CSNK1G1: variants seen among roughly 807,000 people sequenced by gnomAD.
CSNK1G1 encodes the protein casein kinase I isoform gamma-1.
A neutral mutation model predicts 59.6 loss-of-function variants in CSNK1G1; 22 were observed. That is an observed-to-expected ratio of 0.37 (90% CI 0.26 to 0.53). The LOEUF (loss-of-function observed/expected upper bound fraction) is 0.53, where lower values mean the gene tolerates loss of function less well. Among genes scored for constraint, CSNK1G1 ranks in the 20% least tolerant of loss-of-function variants. The probability of loss-of-function intolerance (pLI) is 0.89; values close to 1 mark genes in which losing one functional copy is unlikely to be tolerated. For synonymous variants in CSNK1G1, 179 were observed against 177.1 expected, an observed-to-expected ratio of 1.01 and a Z score of -0.08; for missense variants, 384 against 519.5, an observed-to-expected ratio of 0.74 and a Z score of 2.54.
intron 10 of CSNK1G1, among the ~76,000 whole-genome samples, chr15:64,190,280 T>C (rs2081953451): frequency 6.6e-6 from 1 of 152,228 alleles, no homozygotes; most frequent in African/African-American, 2.4e-5. Context: ...AGGGGTTTGA[T>C]TTTATGCTGC....
At chr15:64,348,472 T>C (rs1186254165) in intron 1 of CSNK1G1, 1 of 151,998 alleles carries the variant, frequency 6.6e-6, no homozygotes, top group Non-Finnish European at 1.5e-5. Flanking sequence ...TCTAAAAGTA[T>C]TCAAAAAAAA....
intron 4 of CSNK1G1, among the ~76,000 whole-genome samples, chr15:64,218,022 G>A (rs972762521): frequency 6.6e-6 from 1 of 151,360 alleles, no homozygotes; most frequent in Admixed American, 6.6e-5. Context: ...ATCTCGGCTC[G>A]CAATCTCTGC....
At chr15:64,265,850 A>G in intron 2 of CSNK1G1, 1 of 456,432 alleles carries the variant, frequency 2.2e-6, no homozygotes, top group Non-Finnish European at 4.4e-6. Context: ...GCAGGAGGCC[A>G]AGGCAGGAGG....
chr15:64,314,424 T>C (rs1038381933), intron 1 of CSNK1G1, among the ~76,000 whole-genome samples: 4 of 152,000 alleles, frequency 2.6e-5, no homozygotes, highest in African/African-American at 7.2e-5. Flanking sequence ...ATGAATATAA[T>C]ATATAATAAT....
chr15:64,332,256 A>G (rs1169247726), intron 1 of CSNK1G1, among the ~76,000 whole-genome samples: 1 of 97,516 alleles, frequency 1.0e-5, no homozygotes, highest in Non-Finnish European at 2.2e-5. Context: ...TCACAATGGC[A>G]AAGACTTGGA....
intron 3 of CSNK1G1, among the ~76,000 whole-genome samples, chr15:64,253,729 T>C (rs1326868094): frequency 6.6e-6 from 1 of 152,182 alleles, no homozygotes; most frequent in Non-Finnish European, 1.5e-5. Context: ...GAAGTATTAT[T>C]CAACCTTAAA....
intron 1 of CSNK1G1, among the ~76,000 whole-genome samples, chr15:64,343,681 T>C (rs1897796717): frequency 1.3e-5 from 2 of 152,076 alleles, no homozygotes; most frequent in South Asian, 4.2e-4. Flanking sequence ...TGTGTTATTC[T>C]CTACCTTTCA....
intron 2 of CSNK1G1, among the ~76,000 whole-genome samples, chr15:64,266,174 T>C (rs1892974429): frequency 6.6e-6 from 1 of 152,070 alleles, no homozygotes; most frequent in Non-Finnish European, 1.5e-5. Flanking sequence ...GCAATTCTCC[T>C]GCCTCAGCCT....
At chr15:64,226,023 C>T (rs1022519816) in intron 4 of CSNK1G1, among the ~76,000 whole-genome samples, 1 of 152,218 alleles carries the variant, frequency 6.6e-6, no homozygotes, top group African/African-American at 2.4e-5. Flanking sequence ...GTGGAGTGTA[C>T]TTTCACTTCA....
intron 2 of CSNK1G1, among the ~76,000 whole-genome samples, chr15:64,269,855 G>A (rs1469802520): frequency 6.6e-6 from 1 of 151,982 alleles, no homozygotes; most frequent in Non-Finnish European, 1.5e-5. Context: ...CCACGTTGGA[G>A]TGCAGGGGTG....
intron 4 of CSNK1G1, among the ~76,000 whole-genome samples, chr15:64,233,360 T>C (rs6494467): frequency 0.1 from 14,348 of 137,898 alleles, 2,179 homozygotes; most frequent in African/African-American, 0.33. Flanking sequence ...CTCTCTCTCT[T>C]TCTCTCTTTT....
chr15:64,303,482 T>C (rs1479258755), intron 1 of CSNK1G1, among the ~76,000 whole-genome samples: 1 of 151,850 alleles, frequency 6.6e-6, no homozygotes, highest in African/African-American at 2.4e-5. Flanking sequence ...CCGGGCACAG[T>C]GGCTCATGCC....
chr15:64,190,561 T>C (rs1299282429), intron 10 of CSNK1G1, among the ~76,000 whole-genome samples: 1 of 152,062 alleles, frequency 6.6e-6, no homozygotes, highest in Non-Finnish European at 1.5e-5. Flanking sequence ...ATTACAGGCA[T>C]GTGCCACCAT....
At chr15:64,205,429 T>G (rs537521858) in intron 7 of CSNK1G1, among the ~76,000 whole-genome samples, 15 of 152,186 alleles carry the variant, frequency 9.9e-5, no homozygotes, top group Non-Finnish European at 1.9e-4. Flanking sequence ...AAAAATGTCT[T>G]TCAACAATGT....
At chr15:64,194,795 C>G (rs953287847) in intron 10 of CSNK1G1, among the ~76,000 whole-genome samples, 1 of 152,096 alleles carries the variant, frequency 6.6e-6, no homozygotes, top group African/African-American at 2.4e-5. Context: ...TGTGAGCCAC[C>G]GACCCCAGCC....
At chr15:64,219,755 TTTTTTC>T (rs2082360884) in intron 4 of CSNK1G1, among the ~76,000 whole-genome samples, 1 of 151,666 alleles carries the variant, frequency 6.6e-6, no homozygotes, top group Non-Finnish European at 1.5e-5. Flanking sequence ...CTCCCCTTCT[TTTTTTC>T]TTTTTCTTTT....
chr15:64,208,724 T>C (rs570929992), intron 6 of CSNK1G1, among the ~76,000 whole-genome samples: 1 of 152,118 alleles, frequency 6.6e-6, no homozygotes, highest in African/African-American at 2.4e-5. Context: ...TTTGTGAAGA[T>C]GGGATGTCGC....
chr15:64,307,963 G>A (rs950798360), intron 1 of CSNK1G1, among the ~76,000 whole-genome samples: 4 of 152,130 alleles, frequency 2.6e-5, no homozygotes, highest in Admixed American at 6.5e-5. Flanking sequence ...TGGGATTACA[G>A]GCGTGAACCA....
intron 2 of CSNK1G1, among the ~76,000 whole-genome samples, chr15:64,290,535 C>A (rs1455606985): frequency 6.6e-6 from 1 of 151,914 alleles, no homozygotes; most frequent in East Asian, 1.9e-4. Context: ...ATAATGTGTA[C>A]ACATGGACAC....
Sources: allele counts gnomAD v4.1 joint callset (sites outside exome capture counted in the v4.1 genomes callset), GRCh38; gene constraint gnomAD v4.1.1; transcripts MANE v1.5; gene names NCBI Gene and HGNC (gene_info 2026-07-23, HGNC 2026-07-21).